Variants in TPRG1 observed in about 807,000 individuals in gnomAD.
The protein encoded by TPRG1 is tumor protein p63 regulated 1, also known as tumor protein p63-regulated gene 1 protein.
TPRG1 carries 29 observed loss-of-function variants against 29.3 expected under a neutral mutation model. That is an observed-to-expected ratio of 0.99 (90% CI 0.74 to 1.35). The LOEUF is 1.35. Among genes scored for constraint, TPRG1 ranks in the 40% most tolerant of loss-of-function variants. The pLI is 0.00. For missense variants in TPRG1, 327 were observed against 335.0 expected (o/e 0.98, Z 0.19); for synonymous variants, 130 against 116.8 (o/e 1.11, Z -0.73).
intron 4 of TPRG1, among the ~76,000 whole-genome samples, chr3:189,266,935 G>A (rs886163554): frequency 6.6e-6 from 1 of 151,918 alleles, no homozygotes; most frequent in African/African-American, 2.4e-5. Flanking sequence ...CCAGATCTTG[G>A]AAAGGTTAAG....
intron 1 of TPRG1, among the ~76,000 whole-genome samples, chr3:189,118,592 C>A (rs536663011): frequency 1.2e-4 from 19 of 152,300 alleles, no homozygotes; most frequent in African/African-American, 3.6e-4. Flanking sequence ...GGCCCAGGGA[C>A]CCCTGCAGCC....
chr3:189,159,922 C>G (rs950577397), intron 5 of TPRG1, among the ~76,000 whole-genome samples: 1 of 151,508 alleles, frequency 6.6e-6, no homozygotes. Flanking sequence ...TCAGTTTTCA[C>G]GAGCATTTCA....
chr3:189,288,630 C>G (rs1718477345), intron 4 of TPRG1, among the ~76,000 whole-genome samples: 1 of 152,228 alleles, frequency 6.6e-6, no homozygotes, highest in Non-Finnish European at 1.5e-5. Context: ...CTTTTCTTTC[C>G]TCTTCCCACC....
At chr3:189,156,199 C>T (rs552002602) in intron 5 of TPRG1, among the ~76,000 whole-genome samples, 2 of 152,092 alleles carry the variant, frequency 1.3e-5, no homozygotes, top group African/African-American at 2.4e-5. Context: ...AGAAAAGGTG[C>T]TATGCTTGCT....
Position 189,067,635 on chromosome 3 carries a change from A to G in TPRG1, c.-463+43689A>G, listed in dbSNP as rs575973148. On this transcript the variant is annotated intron_variant, in intron 4 of 10. Transcript: ENST00000433971. ...TATCCATATGCAGAAGGATGAAGCT[A>G]GAGCCCTATCTCTTCACATATGTAA... Among the ~76,000 whole-genome samples the G allele has an allele frequency of 4.1e-3, 619 of 152,312 alleles. 2 individuals carry two copies. Among genetic ancestry groups the G allele is most frequent in the Middle Eastern group, 0.014 (4 of 294 alleles).
intron 1 of TPRG1, among the ~76,000 whole-genome samples, chr3:189,122,404 C>T (rs1721932133): frequency 6.6e-6 from 1 of 152,218 alleles, no homozygotes; most frequent in Admixed American, 6.5e-5. Flanking sequence ...TGCTTTTCCC[C>T]AATGGCCTGC....
chr3:189,100,844 C>G (rs142798289), intron 1 of TPRG1, among the ~76,000 whole-genome samples: 15 of 152,240 alleles, frequency 9.9e-5, no homozygotes, highest in African/African-American at 3.6e-4. Flanking sequence ...GCGGCTTCCA[C>G]CGCAAGCTAA....
At chr3:189,180,087 T>C (rs979215497) in intron 1 of TPRG1, among the ~76,000 whole-genome samples, 4 of 152,156 alleles carry the variant, frequency 2.6e-5, no homozygotes, top group Non-Finnish European at 4.4e-5. Context: ...TTCCTCTTTT[T>C]AAAACCATCA....
intron 3 of TPRG1, chr3:189,004,886 T>C (rs527885215): frequency 2.3e-4 from 35 of 152,240 alleles, no homozygotes; most frequent in Non-Finnish European, 4.6e-4. Context: ...TGTGGGTTCA[T>C]AGTAGGTATA....
intron 5 of TPRG1, among the ~76,000 whole-genome samples, chr3:189,161,176 TTTACGACA>T (rs1560501528): frequency 6.6e-6 from 1 of 152,104 alleles, no homozygotes; most frequent in East Asian, 2.0e-4. Flanking sequence ...TTTATTGTCT[TTTACGACA>T]TACAACTGTA....
chr3:189,306,244 A>G (rs1225576000), intron 4 of TPRG1, among the ~76,000 whole-genome samples: 1 of 152,222 alleles, frequency 6.6e-6, no homozygotes, highest in Admixed American at 6.5e-5. Flanking sequence ...CTTTTAACCC[A>G]TCAGAAAATA....
At chr3:189,292,992 T>C (rs1487354109) in intron 4 of TPRG1, among the ~76,000 whole-genome samples, 2 of 152,070 alleles carry the variant, frequency 1.3e-5, no homozygotes, top group South Asian at 2.1e-4. Context: ...CATGTGCTTG[T>C]TTTGGCCCTT....
chr3:189,219,745 AGTG>A (rs768202602), intron 3 of TPRG1: 48 of 1,160,166 alleles, frequency 4.1e-5, no homozygotes, highest in Non-Finnish European at 5.4e-6. Flanking sequence ...GTTAGTGTGA[AGTG>A]GTGGTGGGCG....
intron 4 of TPRG1, among the ~76,000 whole-genome samples, chr3:189,059,373 A>C (rs898305449): frequency 1.2e-4 from 18 of 152,098 alleles, no homozygotes; most frequent in African/African-American, 4.1e-4. Flanking sequence ...CGGGTGGATC[A>C]GGAGGTCAGG....
chr3:189,257,628 A>C (rs1393693187), intron 4 of TPRG1, among the ~76,000 whole-genome samples: 1 of 151,944 alleles, frequency 6.6e-6, no homozygotes, highest in Non-Finnish European at 1.5e-5. Flanking sequence ...TATTCCTGTC[A>C]CTTTCATGTA....
intron 1 of TPRG1, among the ~76,000 whole-genome samples, chr3:189,183,482 G>A (rs936176843): frequency 5.3e-5 from 8 of 152,036 alleles, no homozygotes; most frequent in Admixed American, 6.5e-5. Flanking sequence ...AATTTATTAG[G>A]CAGGAATTTC....
chr3:189,004,086 G>A (rs1157736318), intron 2 of TPRG1, among the ~76,000 whole-genome samples: 3 of 152,052 alleles, frequency 2.0e-5, no homozygotes, highest in Non-Finnish European at 4.4e-5. Context: ...AAGACAAAAT[G>A]TTTGGATGAA....
intron 1 of TPRG1, among the ~76,000 whole-genome samples, chr3:189,192,957 T>G (rs1731925374): frequency 6.6e-6 from 1 of 152,142 alleles, no homozygotes; most frequent in Non-Finnish European, 1.5e-5. Flanking sequence ...GGGTATAGTA[T>G]TCCTGGTTGT....
chr3:189,085,927 G>C (rs1008803409), intron 4 of TPRG1, among the ~76,000 whole-genome samples: 3 of 152,106 alleles, frequency 2.0e-5, no homozygotes, highest in Non-Finnish European at 4.4e-5. Flanking sequence ...TCTCTAGAGG[G>C]ACAGGACTAA....
Sources: allele counts gnomAD v4.1 joint callset (sites outside exome capture counted in the v4.1 genomes callset), GRCh38; gene constraint gnomAD v4.1.1; transcripts MANE v1.5; gene names NCBI Gene and HGNC (gene_info 2026-07-23, HGNC 2026-07-21).